Variants in CFAP96 observed in about 807,000 individuals in gnomAD.
CFAP96 encodes cilia and flagella associated protein 96, also known as cilia-and flagella-associated protein 96.
At chr4:185,428,861 G>A in the CFAP96 span, among the ~76,000 whole-genome samples, 137 of 151,964 alleles carry the variant, frequency 9.0e-4, no homozygotes, top group African/African-American at 2.7e-3. Context: ...GAGTTGTAGG[G>A]TAATACCTCA....
At chr4:185,425,416 G>A in the CFAP96 span, among the ~76,000 whole-genome samples, 2 of 152,154 alleles carry the variant, frequency 1.3e-5, no homozygotes, top group Non-Finnish European at 2.9e-5. Flanking sequence ...AGAACGCATA[G>A]GGTGTAAAGC....
the CFAP96 span, among the ~76,000 whole-genome samples, chr4:185,431,190 A>G: frequency 6.8e-6 from 1 of 147,266 alleles, no homozygotes; most frequent in African/African-American, 2.5e-5. Flanking sequence ...AGCCTGGGCA[A>G]CAGAGTGAGA....
At chr4:185,412,418 G>A in the CFAP96 span, among the ~76,000 whole-genome samples, 4 of 152,136 alleles carry the variant, frequency 2.6e-5, no homozygotes, top group East Asian at 1.9e-4. Context: ...TCTAGGGTAC[G>A]TACTGTATCG....
chr4:185,413,731 C>A, the CFAP96 span: 1 of 1,607,960 alleles, frequency 6.2e-7, no homozygotes, highest in South Asian at 1.1e-5. Flanking sequence ...CTCACCATAC[C>A]AGTCTCCATG....
chr4:185,411,173 GAA>G, the CFAP96 span, among the ~76,000 whole-genome samples: 2 of 150,404 alleles, frequency 1.3e-5, no homozygotes, highest in Non-Finnish European at 3.0e-5. Flanking sequence ...GAATGAAAAA[GAA>G]AATATTATGA....
At chr4:185,428,135 C>A in the CFAP96 span, among the ~76,000 whole-genome samples, 4 of 151,724 alleles carry the variant, frequency 2.6e-5, no homozygotes, top group Non-Finnish European at 4.4e-5. Context: ...ACTGTGAGGA[C>A]TAACCCAATG....
At chr4:185,434,753 T>C in the CFAP96 span, among the ~76,000 whole-genome samples, 1 of 151,842 alleles carries the variant, frequency 6.6e-6, no homozygotes, top group Non-Finnish European at 1.5e-5. Context: ...ATATTTATTT[T>C]TGTGAGATGG....
the CFAP96 span, among the ~76,000 whole-genome samples, chr4:185,421,509 C>T: frequency 6.6e-6 from 1 of 152,096 alleles, no homozygotes; most frequent in Non-Finnish European, 1.5e-5. Context: ...TTTAAAAGAG[C>T]CTGGCACCTC....
chr4:185,423,131 T>C, the CFAP96 span, among the ~76,000 whole-genome samples: 1 of 152,218 alleles, frequency 6.6e-6, no homozygotes, highest in Non-Finnish European at 1.5e-5. Flanking sequence ...AGTGCTGGGA[T>C]TGCAGGCGTG....
the CFAP96 span, among the ~76,000 whole-genome samples, chr4:185,424,324 A>G: frequency 2.6e-5 from 4 of 152,112 alleles, no homozygotes; most frequent in Non-Finnish European, 5.9e-5. Flanking sequence ...AAAATAAAAT[A>G]AAACAAAAAC....
chr4:185,414,308 T>C, the CFAP96 span, among the ~76,000 whole-genome samples: 3 of 152,312 alleles, frequency 2.0e-5, no homozygotes, highest in East Asian at 5.8e-4. Context: ...TAAGTGGTAG[T>C]GATTAAACTA....
chr4:185,413,032 A>G, the CFAP96 span, among the ~76,000 whole-genome samples: 4 of 152,258 alleles, frequency 2.6e-5, no homozygotes, highest in South Asian at 8.3e-4. Flanking sequence ...GTGGCTGGGC[A>G]TGGTGAATCA....
the CFAP96 span, among the ~76,000 whole-genome samples, chr4:185,423,979 A>C: frequency 6.6e-6 from 1 of 152,132 alleles, no homozygotes; most frequent in Non-Finnish European, 1.5e-5. Flanking sequence ...ATAAATGAAT[A>C]AGTACTAACA....
the CFAP96 span, chr4:185,449,554 T>C: frequency 7.7e-7 from 1 of 1,291,424 alleles, no homozygotes; most frequent in South Asian, 1.4e-5. Flanking sequence ...GGTATTTGAC[T>C]TGCACCTATA....
At chr4:185,433,842 C>T in the CFAP96 span, among the ~76,000 whole-genome samples, 2 of 152,076 alleles carry the variant, frequency 1.3e-5, no homozygotes, top group South Asian at 4.1e-4. Flanking sequence ...GCGGAGGCTG[C>T]AGTGAGCCAA....
the CFAP96 span, among the ~76,000 whole-genome samples, chr4:185,430,043 G>A: frequency 6.6e-6 from 1 of 152,150 alleles, no homozygotes; most frequent in Non-Finnish European, 1.5e-5. Flanking sequence ...GTCCTCATAG[G>A]TAATTTGATT....
At chr4:185,447,445 G>A in the CFAP96 span, among the ~76,000 whole-genome samples, 3 of 152,182 alleles carry the variant, frequency 2.0e-5, no homozygotes, top group East Asian at 5.8e-4. Context: ...CTCCCAAAGT[G>A]CTGGGATTAC....
At chr4:185,416,068 C>T in the CFAP96 span, 24 of 414,286 alleles carry the variant, frequency 5.8e-5, no homozygotes, top group Non-Finnish European at 8.9e-5. Context: ...TGAGATAACT[C>T]ACTACCCTCA....
At chr4:185,416,167 A>G in the CFAP96 span, 4 of 188,604 alleles carry the variant, frequency 2.1e-5, no homozygotes, top group Non-Finnish European at 3.2e-5. Context: ...TTTTAAAAAG[A>G]AATTATTTTC....
Sources: allele counts gnomAD v4.1 joint callset (sites outside exome capture counted in the v4.1 genomes callset), GRCh38; gene constraint gnomAD v4.1.1; transcripts MANE v1.5; gene names NCBI Gene and HGNC (gene_info 2026-07-23, HGNC 2026-07-21).